SUPV3L1: variants seen among roughly 807,000 people sequenced by gnomAD.
SUPV3L1 encodes the protein Suv3 like RNA helicase.
A neutral mutation model predicts 70.0 loss-of-function variants in SUPV3L1; 35 were observed. The ratio of observed to expected loss-of-function variants is 0.50; its 90% CI spans 0.38 to 0.66. The LOEUF (loss-of-function observed/expected upper bound fraction) is 0.66, where lower values mean the gene tolerates loss of function less well. SUPV3L1 is among the 30% of genes least tolerant of loss of function. The pLI is 0.00. For missense variants in SUPV3L1, 777 were observed against 961.5 expected, an observed-to-expected ratio of 0.81 and a Z score of 2.54; for synonymous variants, 364 against 341.9, an observed-to-expected ratio of 1.06 and a Z score of -0.71.
chr10:69,200,367 T>G lies in SUPV3L1; in HGVS notation c.1386T>G (p.Ser462=). The change falls in exon 11 of 15, where the codon TCT becomes TCG. Residue 462 remains serine, a synonymous_variant. Transcript: ENST00000359655. ...GAGAACTAGAACCAATCACAACCTCTCAAGCCCTGCAGATTGCTGGCAGAG... is the reference window on the plus strand; with the variant it reads ...GAGAACTAGAACCAATCACAACCTCGCAAGCCCTGCAGATTGCTGGCAGAG... ...GERELEPITT[S]QALQIAGRAG... 1.2e-6 allele frequency: 2 copies of G among 1,614,112 alleles called. No homozygotes were observed. Among genetic ancestry groups the G allele is most frequent in the Non-Finnish European group, 1.7e-6 (2 of 1,180,012 alleles).
rs142675668 is a variant in SUPV3L1 at position 69,191,706 on chromosome 10, A to G, written c.793A>G (p.Asn265Asp). ...TGAAGAGCGTGTGACAGTTCAGCCAAATGGGAAACAGGCTTCACATGTTTC... is the reference window on the plus strand; with the variant it reads ...TGAAGAGCGTGTGACAGTTCAGCCAGATGGGAAACAGGCTTCACATGTTTC... ...TGEERVTVQP[N>D]GKQASHVSCT... The change falls in exon 6 of 15, where the codon AAT becomes GAT. Residue 265 changes from asparagine (N) to aspartate (D), a missense_variant. Physicochemically the swap from Asn to Asp is conservative, Grantham distance 23 (BLOSUM62 1). Coordinates refer to ENST00000359655, the MANE Select transcript of SUPV3L1 (RefSeq NM_003171.5). 6 of 1,613,984 alleles carry G rather than the reference A, an allele frequency of 3.7e-6. No individual in the cohort carries two copies. The African/African-American group carries it at 6.7e-5, about 18-fold the overall frequency.
In SUPV3L1 at chr10:69,185,532, C is replaced by T. The variant is rs372688189; in HGVS notation, c.272-455C>T. On this transcript the variant is annotated intron_variant, in intron 1 of 14. Coordinates refer to ENST00000359655, the MANE Select transcript of SUPV3L1 (RefSeq NM_003171.5). ...TTTTTTTTTTTTTGAGACGGAGACT[C>T]GCTCTGTCTCCTAGGCTGGAGTGCA... Among the ~76,000 whole-genome samples, 6 of 145,580 alleles carry T rather than the reference C, an allele frequency of 4.1e-5. No homozygotes were observed. The East Asian group carries it at 6.0e-4, about 15-fold the overall frequency.
At position 69,208,856 on chromosome 10, in the gene SUPV3L1, G is replaced by C; in HGVS notation, c.2182G>C (p.Ala728Pro). Reference sequence around the variant, plus strand: ...AGCTACTGAGCCACCCAGCCCCGATGCAGGAGAGCTGTCCCTTGCTTCCAG... The same window carrying C: ...AGCTACTGAGCCACCCAGCCCCGATCCAGGAGAGCTGTCCCTTGCTTCCAG... ...SKATEPPSPDAGELSLASRLV... is the reference protein window; with the variant it reads ...SKATEPPSPDPGELSLASRLV... The change falls in exon 15 of 15, where the codon GCA becomes CCA. Residue 728 changes from alanine to proline, a missense_variant. Coordinates refer to ENST00000359655, the MANE Select transcript of SUPV3L1 (RefSeq NM_003171.5). The C allele has an allele frequency of 1.2e-6, 2 of 1,614,118 alleles. No individual in the cohort carries two copies. Among genetic ancestry groups the C allele is most frequent in the Non-Finnish European group, 1.7e-6 (2 of 1,180,004 alleles).
At chr10:69,194,321 A>G in intron 6 of SUPV3L1, among the ~76,000 whole-genome samples, 1 of 152,040 alleles carries the variant, frequency 6.6e-6, no homozygotes, top group Admixed American at 6.5e-5. Context: ...AGCCTGAGTA[A>G]CATAGCAAGA....
intron 5 of SUPV3L1, among the ~76,000 whole-genome samples, chr10:69,190,004 C>T (rs985369803): frequency 3.9e-5 from 6 of 152,144 alleles, no homozygotes; most frequent in African/African-American, 1.4e-4. Context: ...AAACATGTGC[C>T]AGTACAGTGA....
chr10:69,206,900 A>G (rs1367182296), intron 13 of SUPV3L1, among the ~76,000 whole-genome samples: 2 of 152,054 alleles, frequency 1.3e-5, no homozygotes, highest in African/African-American at 2.4e-5. Context: ...CCAGCTACTC[A>G]GGAGGTTGAG....
In SUPV3L1 at chr10:69,189,372, T is replaced by G; in HGVS notation, c.678T>G (p.Ser226=). 1 of 1,614,122 alleles carries G rather than the reference T, an allele frequency of 6.2e-7. No individual in the cohort carries two copies. Among genetic ancestry groups the G allele is most frequent in the Non-Finnish European group, 8.5e-7 (1 of 1,179,998 alleles). ...TCCAGAAATACTTCTCAGCAAAGTC[T>G]GGAGTGTATTGTGGCCCTCTAAAAT... ...HAIQKYFSAK[S]GVYCGPLKLL... The change falls in exon 5 of 15, where the codon TCT becomes TCG. Residue 226 remains serine (S), a synonymous_variant. Transcript: ENST00000359655.
chr10:69,188,398 TC>T (rs35572996), intron 4 of SUPV3L1, among the ~76,000 whole-genome samples: 1 of 152,192 alleles, frequency 6.6e-6, no homozygotes, highest in South Asian at 2.1e-4. Context: ...GTACGGCTCA[TC>T]CCAAGTGTTC....
rs763765506 is a variant in SUPV3L1, at chr10:69,186,569, T to C, written c.457+19T>C. On this transcript the variant is annotated intron_variant, in intron 3 of 14. Coordinates refer to ENST00000359655, the MANE Select transcript of SUPV3L1 (RefSeq NM_003171.5). ...GGTGCAGGCAAGTGTTTAGAGACTT[T>C]TTAAAATCCTATTGAACATACCTTC... 5 of 1,574,636 alleles carry C rather than the reference T, an allele frequency of 3.2e-6. No homozygotes were observed. The East Asian group carries it at 8.9e-5, about 28-fold the overall frequency.
intron 3 of SUPV3L1, among the ~76,000 whole-genome samples, chr10:69,187,215 C>T (rs967915352): frequency 5.3e-5 from 8 of 151,530 alleles, no homozygotes; most frequent in South Asian, 4.2e-4. Context: ...AGGAGTAGGA[C>T]GTGGTGGTTG....
intron 6 of SUPV3L1, among the ~76,000 whole-genome samples, chr10:69,194,229 G>A (rs911029762): frequency 2.0e-5 from 3 of 152,292 alleles, no homozygotes; most frequent in African/African-American, 4.8e-5. Flanking sequence ...CTTGGAGCTG[G>A]ATGTGGTGAC....
At chr10:69,188,214 C>G (rs537223470) in intron 4 of SUPV3L1, among the ~76,000 whole-genome samples, 326 of 152,326 alleles carry the variant, frequency 2.1e-3, no homozygotes, top group African/African-American at 7.3e-3. Context: ...CAGGAATTCG[C>G]AGGGAACCCC....
chr10:69,180,828 T>G (rs1466037690), intron 1 of SUPV3L1, among the ~76,000 whole-genome samples: 3 of 152,216 alleles, frequency 2.0e-5, no homozygotes, highest in Non-Finnish European at 4.4e-5. Context: ...ACTCATGTGT[T>G]GGGAAGATTT....
At chr10:69,186,592 T>C (rs374899611) in intron 3 of SUPV3L1, 42 bp downstream of exon 3, 94 of 1,479,206 alleles carry the variant, frequency 6.4e-5, no homozygotes, top group Non-Finnish European at 8.5e-5. Flanking sequence ...TGAACATACC[T>C]TCTATTTCTT....
Position 69,198,356 on chromosome 10 carries a change from C to T in SUPV3L1, c.1024-16C>T. ...AGTTGGGTGTGTCATTTTGCCATTT[C>T]ATGTCTTTATTGTAGGTTCGAGACT... is the stretch of plus-strand genomic sequence containing the variant. On this transcript the variant is annotated splice_polypyrimidine_tract_variant and intron_variant, in intron 8 of 14. Coordinates refer to ENST00000359655, the MANE Select transcript of SUPV3L1 (RefSeq NM_003171.5). The T allele has an allele frequency of 1.3e-6, 2 of 1,567,534 alleles. No homozygotes were observed. The highest frequency in any genetic ancestry group is 1.2e-5 in the South Asian group (1 of 82,242).
chr10:69,196,860 T>C (rs1388877891), intron 7 of SUPV3L1, 132 bp from the exon 8 acceptor site: 1 of 669,514 alleles, frequency 1.5e-6, no homozygotes, highest in Admixed American at 2.7e-5. Context: ...GCATCAGAGA[T>C]AATATTTTTG....
At position 69,191,766 on chromosome 10, in the gene SUPV3L1, T is replaced by C; in HGVS notation, c.853T>C (p.Tyr285His). The C allele has an allele frequency of 6.2e-7, 1 of 1,605,508 alleles. No individual in the cohort carries two copies. Among genetic ancestry groups the C allele is most frequent in the Non-Finnish European group, 8.5e-7 (1 of 1,172,350 alleles). Reference sequence around the variant, plus strand: ...TGAGATGTGCAGTGTTACAACTCCTTGTATGTATATGCTGTTTAAGAAACT... The same window carrying C: ...TGAGATGTGCAGTGTTACAACTCCTCGTATGTATATGCTGTTTAAGAAACT... Reference protein sequence around the residue: ...TVEMCSVTTPYEVAVIDEIQM... With the variant: ...TVEMCSVTTPHEVAVIDEIQM... The change falls in exon 6 of 15, where the codon TAT becomes CAT. Residue 285 changes from tyrosine to histidine, a missense_variant and splice_region_variant. Coordinates refer to ENST00000359655, the MANE Select transcript of SUPV3L1 (RefSeq NM_003171.5).
chr10:69,191,631 C>A, intron 5 of SUPV3L1, 24 bp from the exon 6 acceptor site: 2 of 1,591,966 alleles, frequency 1.3e-6, no homozygotes, highest in Non-Finnish European at 1.7e-6. Context: ...TTCAATAATT[C>A]TAGTTTTTTT....
At chr10:69,191,829 C>T in intron 6 of SUPV3L1, 63 bp downstream of exon 6, 1 of 1,214,194 alleles carries the variant, frequency 8.2e-7, no homozygotes, top group Non-Finnish European at 1.2e-6. Context: ...TTTTTCAAGA[C>T]AGAGTCTTGC....
Sources: allele counts gnomAD v4.1 joint callset (sites outside exome capture counted in the v4.1 genomes callset), GRCh38; gene constraint gnomAD v4.1.1; transcripts MANE v1.5; gene names NCBI Gene and HGNC (gene_info 2026-07-23, HGNC 2026-07-21).